SGK3: variants seen among roughly 807,000 people sequenced by gnomAD.
SGK3 encodes serum/glucocorticoid regulated kinase family member 3, also known as serine/threonine-protein kinase Sgk3.
In SGK3, 47 loss-of-function variants were observed where a neutral mutation model predicts 68.5. The observed-to-expected ratio is 0.69, with a 90% CI of 0.54 to 0.87. The LOEUF is 0.87. Ranked by LOEUF, SGK3 falls within the 40% of genes least tolerant of loss-of-function variation. The pLI is 0.00. For missense variants in SGK3, 479 were observed against 575.5 expected (o/e 0.83, Z 1.72); for synonymous variants, 181 against 189.1 (o/e 0.96, Z 0.35).
chr8:66,757,691 G>A (rs1806022383), intron 1 of SGK3, among the ~76,000 whole-genome samples: 1 of 151,628 alleles, frequency 6.6e-6, no homozygotes, highest in African/African-American at 2.4e-5. Context: ...GAGGTGGAGA[G>A]ATCACTTGAG....
chr8:66,858,407 A>C (rs1319357485), intron 16 of SGK3, among the ~76,000 whole-genome samples: 2 of 151,714 alleles, frequency 1.3e-5, no homozygotes, highest in African/African-American at 4.8e-5. Context: ...CGGAGCTTGC[A>C]GTGAGCCAAG....
chr8:66,816,508 G>T (rs1042027550), intron 5 of SGK3, among the ~76,000 whole-genome samples: 2 of 151,102 alleles, frequency 1.3e-5, no homozygotes, highest in Non-Finnish European at 2.9e-5. Context: ...ACCACGCCTG[G>T]CTAATTTTTG....
intron 15 of SGK3, among the ~76,000 whole-genome samples, chr8:66,849,028 C>T (rs1810154037): frequency 6.6e-6 from 1 of 152,158 alleles, no homozygotes; most frequent in African/African-American, 2.4e-5. Context: ...TATTTCTGGA[C>T]CGTTCTCCAT....
At chr8:66,791,389 C>T (rs565164892) in intron 1 of SGK3, among the ~76,000 whole-genome samples, 70 of 152,276 alleles carry the variant, frequency 4.6e-4, no homozygotes, top group Non-Finnish European at 9.4e-4. Flanking sequence ...CAGATGGAGA[C>T]TGTCAAGTGC....
At chr8:66,787,426 C>T (rs1294938238) in intron 1 of SGK3, among the ~76,000 whole-genome samples, 3 of 152,216 alleles carry the variant, frequency 2.0e-5, no homozygotes, top group South Asian at 4.1e-4. Context: ...GTCAGTCTTG[C>T]TTCTGTGAAG....
intron 14 of SGK3, among the ~76,000 whole-genome samples, chr8:66,845,152 A>T (rs1422085809): frequency 6.6e-6 from 1 of 152,202 alleles, no homozygotes. Context: ...TAATCCCAGC[A>T]CTTTGGGAGG....
At chr8:66,840,941 CA>C (rs200796293) in intron 12 of SGK3, 82 bp from the exon 13 acceptor site, 150,794 of 746,738 alleles carry the variant, frequency 0.2, 23 homozygotes, top group East Asian at 0.23. Flanking sequence ...GACTCTGTTT[CA>C]AAAAAAAAAA....
intron 1 of SGK3, among the ~76,000 whole-genome samples, chr8:66,729,337 TCC>T (rs1805073656): frequency 1.3e-5 from 2 of 151,614 alleles, no homozygotes; most frequent in African/African-American, 4.9e-5. Context: ...GCGCCTGTAG[TCC>T]CAGCTACTCG....
chr8:66,731,208 A>C (rs188130024), intron 1 of SGK3, among the ~76,000 whole-genome samples: 1 of 152,308 alleles, frequency 6.6e-6, no homozygotes, highest in East Asian at 1.9e-4. Flanking sequence ...TATGTGGACT[A>C]TCTTGGAGAA....
chr8:66,834,628 C>A lies in SGK3; in HGVS notation c.526-1135C>A, dbSNP rs927138813. ...TAAATCTTGCAAAATGATTAGAAACCAACAAAGTGCACTCCTGTAATCTTA... is the reference window on the plus strand; with the variant it reads ...TAAATCTTGCAAAATGATTAGAAACAAACAAAGTGCACTCCTGTAATCTTA... On this transcript the variant is annotated intron_variant, in intron 8 of 16. Transcript: ENST00000521198. Among the ~76,000 whole-genome samples, 5 of 151,884 alleles carry A rather than the reference C, an allele frequency of 3.3e-5. No homozygotes were observed. The East Asian group carries it at 7.7e-4, about 23-fold the overall frequency.
At chr8:66,790,001 C>T (rs1864606) in intron 1 of SGK3, among the ~76,000 whole-genome samples, 4,919 of 152,074 alleles carry the variant, frequency 0.032, 141 homozygotes, top group African/African-American at 0.065. Context: ...TTGCTTGAAC[C>T]CTGGAGGTGG....
At chr8:66,721,150 T>C (rs1172822882) in intron 1 of SGK3, among the ~76,000 whole-genome samples, 1 of 152,186 alleles carries the variant, frequency 6.6e-6, no homozygotes, top group Non-Finnish European at 1.5e-5. Flanking sequence ...TATAATTTCA[T>C]GCACACAGCT....
At chr8:66,720,415 T>A (rs1301489512) in intron 1 of SGK3, among the ~76,000 whole-genome samples, 1 of 152,128 alleles carries the variant, frequency 6.6e-6, no homozygotes, top group Non-Finnish European at 1.5e-5. Context: ...GGCAGATCGC[T>A]TGAGCTCAGG....
intron 5 of SGK3, among the ~76,000 whole-genome samples, chr8:66,821,137 AGTC>A (rs1172912080): frequency 6.6e-6 from 1 of 152,056 alleles, no homozygotes; most frequent in African/African-American, 2.4e-5. Flanking sequence ...TATTCCCCAC[AGTC>A]GTCATGAGTC....
At chr8:66,717,837 G>T (rs1435528006) in intron 1 of SGK3, among the ~76,000 whole-genome samples, 3 of 151,910 alleles carry the variant, frequency 2.0e-5, no homozygotes, top group Non-Finnish European at 2.9e-5. Context: ...CTGAGAAGCT[G>T]GGTCTACAGT....
At position 66,856,481 on chromosome 8, in the gene SGK3, C is replaced by T. The variant is rs1436359134; in HGVS notation, c.1321-2930C>T. The stretch of plus-strand genomic sequence containing the variant: ...TTTTTTGGATTTTTGGATTTACTTA[C>T]TGATTGAGCATCCCATATCTGAAAA... On this transcript the variant is annotated intron_variant, in intron 16 of 16. Coordinates refer to ENST00000521198, the MANE Select transcript of SGK3 (RefSeq NM_001033578.3). Among the ~76,000 whole-genome samples, 3 of 152,300 alleles carry T rather than the reference C, an allele frequency of 2.0e-5. No homozygotes were observed. In the East Asian group the frequency reaches 5.8e-4, roughly 29 times the overall value.
chr8:66,778,980 C>T (rs1047773895), intron 1 of SGK3, among the ~76,000 whole-genome samples: 5 of 152,050 alleles, frequency 3.3e-5, no homozygotes, highest in Non-Finnish European at 7.4e-5. Context: ...TGTTTCTTTG[C>T]TTTGTTTCTA....
At chr8:66,721,175 T>C (rs1421799659) in intron 1 of SGK3, among the ~76,000 whole-genome samples, 1 of 152,178 alleles carries the variant, frequency 6.6e-6, no homozygotes, top group Non-Finnish European at 1.5e-5. Flanking sequence ...CTTCACATAC[T>C]AAAGCCACCA....
At chr8:66,766,381 G>A (rs1379600724) in intron 1 of SGK3, among the ~76,000 whole-genome samples, 1 of 152,086 alleles carries the variant, frequency 6.6e-6, no homozygotes, top group Non-Finnish European at 1.5e-5. Context: ...AAATTAGCTG[G>A]GTCTGGTGGC....
Sources: allele counts gnomAD v4.1 joint callset (sites outside exome capture counted in the v4.1 genomes callset), GRCh38; gene constraint gnomAD v4.1.1; transcripts MANE v1.5; gene names NCBI Gene and HGNC (gene_info 2026-07-23, HGNC 2026-07-21).